The following ZNF804B variants were observed in gnomAD, a reference collection of about 807,000 sequenced individuals.
ZNF804B encodes the protein zinc finger protein 804B.
Under a neutral mutation model 101.4 loss-of-function variants are expected in ZNF804B, and 80 were observed. That is an observed-to-expected ratio of 0.79 (90% CI 0.66 to 0.95). The LOEUF is 0.95. Ranked by LOEUF, ZNF804B falls within the 40% of genes least tolerant of loss-of-function variation. The probability of loss-of-function intolerance (pLI) is 0.00; values close to 1 mark genes in which losing one functional copy is unlikely to be tolerated. For missense variants in ZNF804B, 1,673 were observed against 1,561.9 expected, an observed-to-expected ratio of 1.07 and a Z score of -1.20; for synonymous variants, 622 against 558.8, an observed-to-expected ratio of 1.11 and a Z score of -1.59.
At chr7:88,860,484 T>G (rs1791629437) in intron 1 of ZNF804B, among the ~76,000 whole-genome samples, 1 of 152,096 alleles carries the variant, frequency 6.6e-6, no homozygotes, top group African/African-American at 2.4e-5. Flanking sequence ...ATTTCTGGCT[T>G]CAGTAAGTTT....
chr7:88,895,241 A>G (rs1792268273), intron 1 of ZNF804B, among the ~76,000 whole-genome samples: 1 of 152,226 alleles, frequency 6.6e-6, no homozygotes, highest in Admixed American at 6.5e-5. Flanking sequence ...TGAAATCACT[A>G]TACTTGTACA....
intron 1 of ZNF804B, among the ~76,000 whole-genome samples, chr7:89,141,698 A>AT (rs2116393537): frequency 6.6e-6 from 1 of 151,918 alleles, no homozygotes; most frequent in Non-Finnish European, 1.5e-5. Context: ...AAGAGTTCCA[A>AT]TTTTTCCACA....
intron 1 of ZNF804B, among the ~76,000 whole-genome samples, chr7:89,005,071 T>A (rs1457519428): frequency 6.6e-6 from 1 of 152,042 alleles, no homozygotes; most frequent in Non-Finnish European, 1.5e-5. Flanking sequence ...CTGGGCTTCA[T>A]CTTTTCTTAC....
intron 1 of ZNF804B, among the ~76,000 whole-genome samples, chr7:89,213,236 TCAG>T (rs1788832248): frequency 6.6e-6 from 1 of 152,164 alleles, no homozygotes; most frequent in African/African-American, 2.4e-5. Flanking sequence ...GTGTTCTGAC[TCAG>T]CAGCAGCCAC....
At chr7:88,906,185 A>G (rs559259142) in intron 1 of ZNF804B, among the ~76,000 whole-genome samples, 4 of 152,166 alleles carry the variant, frequency 2.6e-5, no homozygotes, top group South Asian at 2.1e-4. Context: ...CTCACAGTCT[A>G]TCAACCGTTT....
At chr7:88,935,207 T>C (rs1246149193) in intron 1 of ZNF804B, among the ~76,000 whole-genome samples, 1 of 151,612 alleles carries the variant, frequency 6.6e-6, no homozygotes, top group Admixed American at 6.6e-5. Context: ...TGTTCTCACT[T>C]ATAAGTGAGA....
chr7:88,931,450 T>C (rs1006732428), intron 1 of ZNF804B, among the ~76,000 whole-genome samples: 6 of 151,850 alleles, frequency 4.0e-5, no homozygotes, highest in Non-Finnish European at 1.5e-5. Flanking sequence ...AGGATACAGG[T>C]GGAATGCAAA....
chr7:89,081,122 T>G (rs1789691682), intron 1 of ZNF804B, among the ~76,000 whole-genome samples: 1 of 151,878 alleles, frequency 6.6e-6, no homozygotes, highest in Non-Finnish European at 1.5e-5. Context: ...CTATCCTGTA[T>G]CTAATAGAGC....
At chr7:88,945,215 G>A (rs1321809958) in intron 1 of ZNF804B, among the ~76,000 whole-genome samples, 1 of 151,942 alleles carries the variant, frequency 6.6e-6, no homozygotes, top group Non-Finnish European at 1.5e-5. Flanking sequence ...GGTTTTTATG[G>A]CTTTAGGTAT....
chr7:89,054,817 A>T (rs1789266288), intron 1 of ZNF804B, among the ~76,000 whole-genome samples: 1 of 152,018 alleles, frequency 6.6e-6, no homozygotes, highest in Admixed American at 6.6e-5. Flanking sequence ...GCTGGACCTC[A>T]TACTTTTTCC....
At chr7:88,890,786 T>C (rs1031047020) in intron 1 of ZNF804B, among the ~76,000 whole-genome samples, 5 of 152,166 alleles carry the variant, frequency 3.3e-5, no homozygotes, top group Non-Finnish European at 5.9e-5. Context: ...TGTAACACAA[T>C]TTATTCATTT....
chr7:88,908,578 G>C (rs1416368271), intron 1 of ZNF804B, among the ~76,000 whole-genome samples: 1 of 151,670 alleles, frequency 6.6e-6, no homozygotes, highest in Non-Finnish European at 1.5e-5. Flanking sequence ...GAACTTGAGA[G>C]AATCTTCCCA....
At chr7:89,179,274 T>C (rs1257711416) in intron 1 of ZNF804B, among the ~76,000 whole-genome samples, 1 of 152,202 alleles carries the variant, frequency 6.6e-6, no homozygotes, top group Non-Finnish European at 1.5e-5. Context: ...CTACTTCCAC[T>C]GTAAGGCCAA....
chr7:89,206,783 C>T (rs535985840), intron 1 of ZNF804B, among the ~76,000 whole-genome samples: 46 of 152,160 alleles, frequency 3.0e-4, no homozygotes, highest in Admixed American at 2.7e-3. Flanking sequence ...AACAAACCCA[C>T]AAAAATGAAT....
intron 1 of ZNF804B, among the ~76,000 whole-genome samples, chr7:89,186,585 T>C (rs1432248677): frequency 6.6e-6 from 1 of 151,024 alleles, no homozygotes; most frequent in African/African-American, 2.4e-5. Flanking sequence ...TATTTTCCCC[T>C]GTATTTGCAT....
intron 1 of ZNF804B, among the ~76,000 whole-genome samples, chr7:88,932,990 C>G (rs920445552): frequency 6.6e-6 from 1 of 151,368 alleles, no homozygotes. Context: ...AAGCACATAA[C>G]AACAACAAAA....
At chr7:89,118,712 T>C (rs1790353998) in intron 1 of ZNF804B, among the ~76,000 whole-genome samples, 1 of 152,198 alleles carries the variant, frequency 6.6e-6, no homozygotes. Flanking sequence ...TTTAATTATT[T>C]CAATTGTTAT....
intron 1 of ZNF804B, among the ~76,000 whole-genome samples, chr7:88,946,867 A>G (rs1057187337): frequency 4.6e-5 from 7 of 151,950 alleles, no homozygotes; most frequent in Non-Finnish European, 8.8e-5. Flanking sequence ...ATGAACGGAC[A>G]CTTCTCAAAA....
chr7:88,964,065 C>T (rs2116096312), intron 1 of ZNF804B, among the ~76,000 whole-genome samples: 1 of 151,488 alleles, frequency 6.6e-6, no homozygotes, highest in Non-Finnish European at 1.5e-5. Flanking sequence ...AATTGAAACA[C>T]TTGTGCACTG....
Sources: allele counts gnomAD v4.1 joint callset (sites outside exome capture counted in the v4.1 genomes callset), GRCh38; gene constraint gnomAD v4.1.1; transcripts MANE v1.5; gene names NCBI Gene and HGNC (gene_info 2026-07-23, HGNC 2026-07-21).